Variants in CDH20 observed in about 807,000 individuals in gnomAD.
CDH20 encodes cadherin 20, also known as cadherin-20.
Under a neutral mutation model 74.2 loss-of-function variants are expected in CDH20, and 29 were observed. The observed-to-expected ratio is 0.39, with a 90% CI of 0.29 to 0.53. The LOEUF (loss-of-function observed/expected upper bound fraction) is 0.53, where lower values mean the gene tolerates loss of function less well. Ranked by LOEUF, CDH20 falls within the 20% of genes least tolerant of loss-of-function variation. CDH20 has a pLI of 0.69. For synonymous variants in CDH20, 469 were observed against 405.4 expected, an observed-to-expected ratio of 1.16 and a Z score of -1.88; for missense variants, 988 against 1,048.3, an observed-to-expected ratio of 0.94 and a Z score of 0.79.
intron 10 of CDH20, 76 bp from the exon 11 acceptor site, chr18:61,549,901 CT>C: frequency 1.3e-6 from 2 of 1,486,546 alleles, no homozygotes; most frequent in Non-Finnish European, 1.8e-6. Flanking sequence ...CACCCTGCCC[CT>C]GCCCCCTTGC....
chr18:61,550,490 A>G (rs1200248694), intron 11 of CDH20, among the ~76,000 whole-genome samples: 1 of 152,266 alleles, frequency 6.6e-6, no homozygotes, highest in Non-Finnish European at 1.5e-5. Flanking sequence ...GCTAGGATTA[A>G]TAAAACAGAC....
chr18:61,339,040 T>C (rs910345366), intron 1 of CDH20, among the ~76,000 whole-genome samples: 4 of 152,182 alleles, frequency 2.6e-5, no homozygotes, highest in Admixed American at 6.5e-5. Context: ...ATGGTTCTTG[T>C]TACTTTGAAT....
chr18:61,367,557 C>A (rs747093590), intron 1 of CDH20, among the ~76,000 whole-genome samples: 1 of 152,142 alleles, frequency 6.6e-6, no homozygotes, highest in African/African-American at 2.4e-5. Context: ...CTTTCCCAAT[C>A]TCTAGATGCT....
intron 1 of CDH20, among the ~76,000 whole-genome samples, chr18:61,406,138 A>AT (rs1912322853): frequency 6.6e-6 from 1 of 152,220 alleles, no homozygotes. Flanking sequence ...TTAAAAAAAA[A>AT]ATCACAGATT....
chr18:61,528,640 G>A (rs1421353043), intron 7 of CDH20, among the ~76,000 whole-genome samples: 1 of 152,056 alleles, frequency 6.6e-6, no homozygotes, highest in East Asian at 1.9e-4. Context: ...CACCTAAAAT[G>A]TCCCCAGATA....
At chr18:61,511,446 AG>A (rs1911780802) in intron 6 of CDH20, among the ~76,000 whole-genome samples, 1 of 152,036 alleles carries the variant, frequency 6.6e-6, no homozygotes. Flanking sequence ...AGCCTCCCAA[AG>A]GGCTAGGATT....
chr18:61,430,545 C>A lies in CDH20; in HGVS notation c.-152-59857C>A, dbSNP rs1052606436. On this transcript the variant is annotated intron_variant, in intron 1 of 11. Coordinates refer to ENST00000262717, the MANE Select transcript of CDH20 (RefSeq NM_031891.4). ...AAGCCCACATTTAAGGACTTGGAAG[C>A]TATGCTCCACATCTCTGAAAGCAAA... Among the ~76,000 whole-genome samples the A allele has an allele frequency of 4.6e-5, 7 of 152,298 alleles. No individual in the cohort carries two copies. The East Asian group carries it at 1.3e-3, about 29-fold the overall frequency.
chr18:61,492,249 C>T (rs1410084239), intron 2 of CDH20, among the ~76,000 whole-genome samples: 2 of 151,908 alleles, frequency 1.3e-5, no homozygotes, highest in South Asian at 4.2e-4. Flanking sequence ...CCTGCCCACA[C>T]ATTCTCTCCC....
At chr18:61,471,853 C>A (rs1910192593) in intron 1 of CDH20, among the ~76,000 whole-genome samples, 1 of 152,110 alleles carries the variant, frequency 6.6e-6, no homozygotes, top group Non-Finnish European at 1.5e-5. Context: ...AGCTGAGATA[C>A]TGCATTTACT....
chr18:61,477,289 T>G (rs992475506), intron 1 of CDH20, among the ~76,000 whole-genome samples: 2 of 152,168 alleles, frequency 1.3e-5, no homozygotes, highest in African/African-American at 4.8e-5. Context: ...AACAACACCT[T>G]CTACAATTAT....
At chr18:61,439,035 G>C (rs1216541594) in intron 1 of CDH20, among the ~76,000 whole-genome samples, 1 of 152,080 alleles carries the variant, frequency 6.6e-6, no homozygotes, top group African/African-American at 2.4e-5. Flanking sequence ...TCTCACAAGT[G>C]GGGGCAAAAC....
rs749191817 is a variant in CDH20, at chr18:61,507,484, T to C, written c.941T>C (p.Val314Ala). The C allele has an allele frequency of 1.2e-6, 2 of 1,613,928 alleles. No individual in the cohort carries two copies. The highest frequency in any genetic ancestry group is 1.7e-6 in the Non-Finnish European group (2 of 1,179,956). Residue 314 changes from valine to alanine, a missense_variant, in exon 6 of 12, where the codon GTG becomes GCG. By Grantham distance (64) the Val-to-Ala change is moderately conservative. This residue lies in a region of CDH20 where 613 missense variants were observed against 755.2 expected (regional missense o/e 0.81). Coordinates refer to ENST00000262717, the MANE Select transcript of CDH20 (RefSeq NM_031891.4). Reference sequence around the variant, plus strand: ...AATGCAGAGATGAAATATACTATTGTGGATGGAGATGGTGCAGATGCCTTT... The same window carrying C: ...AATGCAGAGATGAAATATACTATTGCGGATGGAGATGGTGCAGATGCCTTT... ...GINAEMKYTI[V>A]DGDGADAFDI...
chr18:61,341,630 C>G (rs1374746273), intron 1 of CDH20, among the ~76,000 whole-genome samples: 3 of 152,162 alleles, frequency 2.0e-5, no homozygotes, highest in African/African-American at 7.2e-5. Context: ...CCATCATTAC[C>G]TCATTGAAAG....
chr18:61,350,470 A>T (rs1910267232), intron 1 of CDH20, among the ~76,000 whole-genome samples: 1 of 152,070 alleles, frequency 6.6e-6, no homozygotes, highest in South Asian at 2.1e-4. Flanking sequence ...TCCATGCACG[A>T]TTCCACCCTT....
At chr18:61,408,309 T>C (rs963743501) in intron 1 of CDH20, among the ~76,000 whole-genome samples, 1 of 152,154 alleles carries the variant, frequency 6.6e-6, no homozygotes, top group Non-Finnish European at 1.5e-5. Flanking sequence ...TACTGGTGTA[T>C]CTACTGAGTG....
chr18:61,546,208 G>A (rs1568185732), intron 10 of CDH20, among the ~76,000 whole-genome samples: 1 of 152,140 alleles, frequency 6.6e-6, no homozygotes, highest in South Asian at 2.1e-4. Context: ...TCTAAGCAAA[G>A]GGTAACAAAA....
At chr18:61,417,815 T>TGA (rs570000977) in intron 1 of CDH20, among the ~76,000 whole-genome samples, 83 of 152,246 alleles carry the variant, frequency 5.5e-4, no homozygotes, top group Non-Finnish European at 9.9e-4. Flanking sequence ...AGAATTGCAG[T>TGA]GTTCCTAACA....
At chr18:61,447,242 T>A (rs1458706437) in intron 1 of CDH20, among the ~76,000 whole-genome samples, 2 of 152,198 alleles carry the variant, frequency 1.3e-5, no homozygotes, top group African/African-American at 4.8e-5. Context: ...CCTGTGGGAA[T>A]CCAAAGTAGA....
At chr18:61,346,471 T>C (rs1390142640) in intron 1 of CDH20, among the ~76,000 whole-genome samples, 1 of 152,050 alleles carries the variant, frequency 6.6e-6, no homozygotes, top group Non-Finnish European at 1.5e-5. Flanking sequence ...AATAAACAAT[T>C]TATGGAAGGA....
Sources: gnomAD v4.1 joint callset for allele counts (sites outside exome capture counted in the v4.1 genomes callset) on GRCh38, gnomAD v4.1.1 for gene constraint, gnomAD v4.1.1 regional missense constraint, MANE v1.5 for transcripts, NCBI Gene and HGNC (gene_info 2026-07-23, HGNC 2026-07-21) for gene names.